The following LSAMP variants were observed in gnomAD, a reference collection of about 807,000 sequenced individuals.
LSAMP encodes limbic system associated membrane protein, also known as limbic system-associated membrane protein.
LSAMP carries 7 observed loss-of-function variants against 38.6 expected under a neutral mutation model. The ratio of observed to expected loss-of-function variants is 0.18; its 90% CI spans 0.10 to 0.34. The LOEUF is 0.34. LSAMP is among the 10% of genes least tolerant of loss of function. The probability of loss-of-function intolerance (pLI) is 1.00; values close to 1 mark genes in which losing one functional copy is unlikely to be tolerated. For synonymous variants in LSAMP, 154 were observed against 166.8 expected (o/e 0.92, Z 0.59); for missense variants, 313 against 420.0 (o/e 0.75, Z 2.23).
intron 1 of LSAMP, among the ~76,000 whole-genome samples, chr3:116,254,314 C>A (rs1423251643): frequency 1.3e-5 from 2 of 152,074 alleles, no homozygotes; most frequent in South Asian, 2.1e-4. Flanking sequence ...ATTTCACTCA[C>A]CACTGCCTAC....
At chr3:116,030,797 T>A (rs1197457063) in intron 2 of LSAMP, among the ~76,000 whole-genome samples, 1 of 152,098 alleles carries the variant, frequency 6.6e-6, no homozygotes, top group Non-Finnish European at 1.5e-5. Context: ...AAAGATATAT[T>A]TTTCTATGTG....
intron 1 of LSAMP, among the ~76,000 whole-genome samples, chr3:116,258,944 C>G (rs541687478): frequency 2.0e-5 from 3 of 152,058 alleles, no homozygotes; most frequent in Non-Finnish European, 1.5e-5. Context: ...ATTAAAAATA[C>G]GTTTTAAAGA....
chr3:115,898,013 C>T (rs1270711208), intron 3 of LSAMP, among the ~76,000 whole-genome samples: 1 of 152,134 alleles, frequency 6.6e-6, no homozygotes, highest in Non-Finnish European at 1.5e-5. Context: ...ATCCAAAATG[C>T]TAGTCCATGA....
At chr3:116,407,995 G>A (rs10212415) in intron 1 of LSAMP, among the ~76,000 whole-genome samples, 44,433 of 151,844 alleles carry the variant, frequency 0.29, 8,620 homozygotes, top group African/African-American at 0.55. Context: ...CCTAATGTAA[G>A]CTTATTAAGG....
At chr3:116,144,097 T>G (rs548060593) in intron 1 of LSAMP, among the ~76,000 whole-genome samples, 1 of 152,160 alleles carries the variant, frequency 6.6e-6, no homozygotes, top group East Asian at 1.9e-4. Context: ...AGTCATTGCA[T>G]TTTTATCAGT....
chr3:115,986,690 G>T (rs1334952744), intron 3 of LSAMP, among the ~76,000 whole-genome samples: 5 of 148,470 alleles, frequency 3.4e-5, no homozygotes, highest in African/African-American at 1.2e-4. Context: ...GGAGCCACTG[G>T]AAAAAAAAAG....
Position 115,840,924 on chromosome 3 carries a change from G to T in LSAMP, c.919+921C>A, listed in dbSNP as rs561625084. On this transcript the variant is annotated intron_variant, in intron 6 of 6. Coordinates refer to ENST00000490035, the MANE Select transcript of LSAMP (RefSeq NM_002338.5). ...TAGTCCAAATGAACTTTCTGATTCA[G>T]CATGGGCTAACTTTTCGGTTTGTTT... Among the ~76,000 whole-genome samples the T allele has an allele frequency of 2.0e-5, 3 of 152,128 alleles. No homozygotes were observed. In the South Asian group the frequency reaches 6.2e-4, roughly 32 times the overall value.
chr3:116,080,437 T>A (rs1399865210), intron 2 of LSAMP, among the ~76,000 whole-genome samples: 1 of 152,236 alleles, frequency 6.6e-6, no homozygotes, highest in Non-Finnish European at 1.5e-5. Context: ...ATAGGTTATA[T>A]AATTTAATAA....
Position 115,946,840 on chromosome 3 carries a change from T to A in LSAMP, c.514+72675A>T, listed in dbSNP as rs1288153432. On this transcript the variant is annotated intron_variant, in intron 3 of 6. Transcript: ENST00000490035. ...AAAAATATACGAATAAAATAAAGAG[T>A]AAAATAACAGGCCCATTTCTTTTAT... 2.6e-5 allele frequency among the ~76,000 whole-genome samples: 4 copies of A among 151,086 alleles called. No individual in the cohort carries two copies. In the East Asian group the frequency reaches 7.8e-4, roughly 30 times the overall value.
chr3:115,997,945 AATATTAT>A (rs985036690), intron 3 of LSAMP, among the ~76,000 whole-genome samples: 14 of 147,012 alleles, frequency 9.5e-5, no homozygotes, highest in African/African-American at 3.5e-4. Context: ...TAATATTAAA[AATATTAT>A]ATATTATATA....
At chr3:115,819,115 A>C (rs1934142351) in intron 6 of LSAMP, among the ~76,000 whole-genome samples, 1 of 150,430 alleles carries the variant, frequency 6.6e-6, no homozygotes, top group South Asian at 2.1e-4. Context: ...AGGCCCTTGC[A>C]CTCCAGCCTG....
chr3:115,954,249 G>A (rs936418003), intron 3 of LSAMP, among the ~76,000 whole-genome samples: 2 of 152,144 alleles, frequency 1.3e-5, no homozygotes, highest in African/African-American at 4.8e-5. Flanking sequence ...CGGACAGCCA[G>A]CCTGGGAGCA....
intron 3 of LSAMP, among the ~76,000 whole-genome samples, chr3:115,966,823 G>A (rs979224469): frequency 1.3e-5 from 2 of 152,094 alleles, no homozygotes; most frequent in African/African-American, 4.8e-5. Context: ...CAATTTATAA[G>A]TAAAAGCAAT....
rs114053044 is a variant in LSAMP at position 116,057,371 on chromosome 3, G to A, written c.388+28953C>T. 4.5e-3 allele frequency among the ~76,000 whole-genome samples: 678 copies of A among 152,204 alleles called. 6 individuals are homozygous for A. The highest frequency in any genetic ancestry group is 0.016 in the African/African-American group (648 of 41,542). ...AGAGTTGTCTTTCACTTTTATCTGC[G>A]TAGCATCTTTTCTTCAAAGAATTGT... On this transcript the variant is annotated intron_variant, in intron 2 of 6. Coordinates refer to ENST00000490035, the MANE Select transcript of LSAMP (RefSeq NM_002338.5).
At chr3:115,967,945 A>G (rs2107605815) in intron 3 of LSAMP, among the ~76,000 whole-genome samples, 1 of 152,180 alleles carries the variant, frequency 6.6e-6, no homozygotes, top group South Asian at 2.1e-4. Context: ...CTTTTTCCCA[A>G]GCAGAGGAGT....
intron 3 of LSAMP, among the ~76,000 whole-genome samples, chr3:115,946,463 G>C (rs1048847069): frequency 6.6e-6 from 1 of 152,160 alleles, no homozygotes; most frequent in African/African-American, 2.4e-5. Flanking sequence ...ATGCCAAGAA[G>C]CCAGGCAGAA....
chr3:115,834,711 G>T, intron 6 of LSAMP: 1 of 364,020 alleles, frequency 2.7e-6, no homozygotes, highest in Non-Finnish European at 4.3e-6. Flanking sequence ...CATGCTTACA[G>T]GATCATATCT....
At chr3:116,324,667 T>C (rs1014338380) in intron 1 of LSAMP, among the ~76,000 whole-genome samples, 14 of 152,162 alleles carry the variant, frequency 9.2e-5, no homozygotes, top group African/African-American at 3.1e-4. Context: ...TTGCAACAAG[T>C]CATGCTGGGT....
At chr3:116,357,598 T>C (rs1415469937) in intron 1 of LSAMP, among the ~76,000 whole-genome samples, 1 of 152,150 alleles carries the variant, frequency 6.6e-6, no homozygotes, top group Non-Finnish European at 1.5e-5. Flanking sequence ...CAGTACATTT[T>C]AAGACAATAA....
Sources: gnomAD v4.1 joint callset for allele counts (sites outside exome capture counted in the v4.1 genomes callset) on GRCh38, gnomAD v4.1.1 for gene constraint, MANE v1.5 for transcripts, NCBI Gene and HGNC (gene_info 2026-07-23, HGNC 2026-07-21) for gene names.